The following ZBTB16 variants were observed in gnomAD, a reference collection of about 807,000 sequenced individuals.
ZBTB16 encodes zinc finger and BTB domain-containing protein 16.
A neutral mutation model predicts 56.8 loss-of-function variants in ZBTB16; 8 were observed. The observed-to-expected ratio is 0.14, with a 90% confidence interval of 0.08 to 0.25. ZBTB16 has a LOEUF of 0.25. ZBTB16 is among the 10% of genes least tolerant of loss of function. ZBTB16 has a pLI of 1.00. For synonymous variants in ZBTB16, 363 were observed against 368.5 expected, an observed-to-expected ratio of 0.98 and a Z score of 0.17; for missense variants, 625 against 903.0, an observed-to-expected ratio of 0.69 and a Z score of 3.95.
Position 114,253,216 on chromosome 11 carries a change from T to C in ZBTB16, c.*2661T>C, listed in dbSNP as rs904702590. ...GAAGGAAGAGAAAAAAATCAAACTA[T>C]TCCATAGAACTAGCTGGCCCCCTCA... On this transcript the variant is annotated 3_prime_UTR_variant, in exon 7 of 7. Coordinates refer to ENST00000335953, the MANE Select transcript of ZBTB16 (RefSeq NM_006006.6). 6.6e-5 allele frequency among the ~76,000 whole-genome samples: 10 copies of C among 152,068 alleles called. No individual in the cohort carries two copies. The highest frequency in any genetic ancestry group is 1.3e-4 in the Non-Finnish European group (9 of 68,014).
chr11:114,221,381 T>C (rs1944230274), intron 4 of ZBTB16, among the ~76,000 whole-genome samples: 1 of 152,200 alleles, frequency 6.6e-6, no homozygotes, highest in African/African-American at 2.4e-5. Context: ...AATAAGCTCC[T>C]TTGGAGAATC....
intron 4 of ZBTB16, among the ~76,000 whole-genome samples, chr11:114,195,587 C>T (rs1943587608): frequency 1.3e-5 from 2 of 152,266 alleles, no homozygotes; most frequent in East Asian, 1.9e-4. Flanking sequence ...AGAGGAACCC[C>T]ATGAAGCCTA....
At chr11:114,170,121 T>C (rs1240585292) in intron 3 of ZBTB16, among the ~76,000 whole-genome samples, 1 of 152,180 alleles carries the variant, frequency 6.6e-6, no homozygotes, top group African/African-American at 2.4e-5. Flanking sequence ...AGTTGAGGCA[T>C]CCATAAAACA....
Position 114,063,848 on chromosome 11 carries a change from A to G in ZBTB16, c.548A>G (p.Gln183Arg), listed in dbSNP as rs1938993020. ...GQSLPGPMVD[Q>R]SPSVSTSFGL... ...AGCCTCCCTGGGCCCATGGTGGACC[A>G]GAGCCCTTCAGTCTCCACTTCATTT... The change falls in exon 2 of 7, where the codon CAG becomes CGG. Residue 183 changes from glutamine (Q) to arginine (R), a missense_variant. Physicochemically the swap from Gln to Arg is conservative, Grantham distance 43 (BLOSUM62 1). Coordinates refer to ENST00000335953, the MANE Select transcript of ZBTB16 (RefSeq NM_006006.6). This position sits in a 1 kb window ranked among gnomAD's most constrained non-coding sequence, Gnocchi z 6.5. The G allele has an allele frequency of 6.2e-7, 1 of 1,614,148 alleles. No homozygotes were observed. Among genetic ancestry groups the G allele is most frequent in the Non-Finnish European group, 8.5e-7 (1 of 1,180,036 alleles).
At chr11:114,078,418 T>C (rs1038850294) in intron 2 of ZBTB16, among the ~76,000 whole-genome samples, 10 of 152,196 alleles carry the variant, frequency 6.6e-5, no homozygotes, top group African/African-American at 2.4e-4. Context: ...TTCCCTGACT[T>C]TGCAGGTGCT....
intron 5 of ZBTB16, among the ~76,000 whole-genome samples, chr11:114,244,372 G>T (rs1944774204): frequency 1.3e-5 from 2 of 151,976 alleles, no homozygotes; most frequent in African/African-American, 4.8e-5. Flanking sequence ...GATTGGGGGG[G>T]GCGGGGTCAC....
intron 4 of ZBTB16, among the ~76,000 whole-genome samples, chr11:114,206,401 C>T (rs1943873418): frequency 6.6e-6 from 1 of 152,164 alleles, no homozygotes; most frequent in Non-Finnish European, 1.5e-5. Flanking sequence ...TAGACCACTG[C>T]TTCTGTCCCT....
intron 3 of ZBTB16, among the ~76,000 whole-genome samples, chr11:114,180,465 T>C (rs901503011): frequency 6.6e-6 from 1 of 152,104 alleles, no homozygotes; most frequent in African/African-American, 2.4e-5. Context: ...ACAGTGAGCA[T>C]TGGACTGGGT....
At chr11:114,128,536 G>A (rs1442684765) in intron 2 of ZBTB16, among the ~76,000 whole-genome samples, 2 of 152,174 alleles carry the variant, frequency 1.3e-5, no homozygotes, top group Non-Finnish European at 2.9e-5. Flanking sequence ...GGTAAAAACT[G>A]CGACTAGCTC....
chr11:114,117,763 T>A (rs1319337013), intron 2 of ZBTB16, among the ~76,000 whole-genome samples: 1 of 152,210 alleles, frequency 6.6e-6, no homozygotes, highest in Non-Finnish European at 1.5e-5. Context: ...GTATACTAAT[T>A]CATTTGCATT....
chr11:114,130,622 G>A (rs147797624), intron 2 of ZBTB16, among the ~76,000 whole-genome samples: 22 of 152,308 alleles, frequency 1.4e-4, no homozygotes, highest in Middle Eastern at 6.8e-3. Flanking sequence ...TTTTATTAGC[G>A]AGCTCTGGAC....
At chr11:114,080,233 ATT>A (rs59384992) in intron 2 of ZBTB16, among the ~76,000 whole-genome samples, 1 of 152,008 alleles carries the variant, frequency 6.6e-6, no homozygotes, top group African/African-American at 2.4e-5. Context: ...CTCAGCATGT[ATT>A]TTTTTCCCCT....
intron 3 of ZBTB16, among the ~76,000 whole-genome samples, chr11:114,166,879 G>A (rs1281201787): frequency 6.6e-6 from 1 of 152,186 alleles, no homozygotes; most frequent in East Asian, 1.9e-4. Context: ...CTGAGGCAAG[G>A]CTTGGGTTGA....
Position 114,251,171 on chromosome 11 carries a change from C to T in ZBTB16, c.*616C>T, listed in dbSNP as rs1944911367. Among the ~76,000 whole-genome samples the T allele has an allele frequency of 6.6e-6, 1 of 151,870 alleles. No individual in the cohort carries two copies. Among genetic ancestry groups the T allele is most frequent in the Non-Finnish European group, 1.5e-5 (1 of 67,952 alleles). ...GGTGTCCCCCGGTGGTCTCTGAGAGCCTCAGGACCCCTGCCCCTCCTCCAG... is the reference window on the plus strand; with the variant it reads ...GGTGTCCCCCGGTGGTCTCTGAGAGTCTCAGGACCCCTGCCCCTCCTCCAG... On this transcript the variant is annotated 3_prime_UTR_variant, in exon 7 of 7. Coordinates refer to ENST00000335953, the MANE Select transcript of ZBTB16 (RefSeq NM_006006.6).
At chr11:114,129,494 C>T (rs1429546547) in intron 2 of ZBTB16, among the ~76,000 whole-genome samples, 1 of 152,258 alleles carries the variant, frequency 6.6e-6, no homozygotes, top group Non-Finnish European at 1.5e-5. Context: ...CGCAGGCTCC[C>T]AGCACGCGCC....
intron 4 of ZBTB16, among the ~76,000 whole-genome samples, chr11:114,215,018 T>C (rs934438668): frequency 6.6e-6 from 1 of 151,816 alleles, no homozygotes; most frequent in Non-Finnish European, 1.5e-5. Flanking sequence ...TAGGTGGAAG[T>C]TGCTTCTTTA....
intron 3 of ZBTB16, among the ~76,000 whole-genome samples, chr11:114,165,401 T>C (rs2134989358): frequency 6.6e-6 from 1 of 152,328 alleles, no homozygotes; most frequent in Middle Eastern, 3.4e-3. Context: ...TTATTGGACT[T>C]TGCTGGTACT....
chr11:114,130,532 G>C, intron 2 of ZBTB16, among the ~76,000 whole-genome samples: 1 of 152,216 alleles, frequency 6.6e-6, no homozygotes, highest in Non-Finnish European at 1.5e-5. Context: ...GCGAGCACAC[G>C]CATCTACAAA....
chr11:114,205,573 G>T (rs905012633), intron 4 of ZBTB16, among the ~76,000 whole-genome samples: 1 of 152,222 alleles, frequency 6.6e-6, no homozygotes, highest in East Asian at 1.9e-4. Context: ...CAGATGGGAC[G>T]CACGTTCCCC....
Sources: gnomAD v4.1 joint callset for allele counts (sites outside exome capture counted in the v4.1 genomes callset) on GRCh38, gnomAD v4.1.1 for gene constraint, Gnocchi (gnomAD v3.1) non-coding constraint, MANE v1.5 for transcripts, NCBI Gene and HGNC (gene_info 2026-07-23, HGNC 2026-07-21) for gene names.